The following SDK1 variants were observed in gnomAD, a reference collection of about 807,000 sequenced individuals.
The protein encoded by SDK1 is sidekick cell adhesion molecule 1.
A neutral mutation model predicts 245.5 loss-of-function variants in SDK1; 157 were observed. The observed-to-expected ratio is 0.64, with a 90% CI of 0.56 to 0.73. The LOEUF (loss-of-function observed/expected upper bound fraction) is 0.73. Ranked by LOEUF, SDK1 falls within the 30% of genes least tolerant of loss-of-function variation. The pLI is 0.00. For missense variants in SDK1, 3,583 were observed against 3,002.3 expected, an observed-to-expected ratio of 1.19 and a Z score of -4.52; for synonymous variants, 1,647 against 1,278.5, an observed-to-expected ratio of 1.29 and a Z score of -6.15.
chr7:3,865,319 G>C lies in SDK1; in HGVS notation c.847+43736G>C, dbSNP rs77694316. ...GGGTGAGTTGGTGGGAGAAAGGAGA[G>C]AATGCAGAAGGGCATTTCATCCCAC... On this transcript the variant is annotated intron_variant, in intron 5 of 44. Coordinates refer to ENST00000404826, the MANE Select transcript of SDK1 (RefSeq NM_152744.4). 2.7e-3 allele frequency among the ~76,000 whole-genome samples: 409 copies of C among 152,308 alleles called. 5 individuals are homozygous for C. In the East Asian group the frequency reaches 0.054, roughly 20 times the overall value.
At chr7:3,834,337 C>G (rs562486745) in intron 5 of SDK1, among the ~76,000 whole-genome samples, 1 of 152,318 alleles carries the variant, frequency 6.6e-6, no homozygotes, top group Admixed American at 6.5e-5. Flanking sequence ...TCCCTGAGCT[C>G]ACTTTTGCCA....
intron 28 of SDK1, among the ~76,000 whole-genome samples, chr7:4,143,066 T>A (rs1779687405): frequency 6.6e-6 from 1 of 152,054 alleles, no homozygotes; most frequent in Admixed American, 6.5e-5. Flanking sequence ...ACGCTGTAGG[T>A]AGTTAACTCA....
chr7:4,158,614 G>T (rs915894850), intron 31 of SDK1, 63 bp downstream of exon 31: 90 of 1,249,092 alleles, frequency 7.2e-5, no homozygotes, highest in Admixed American at 3.4e-5. Context: ...AGATACTTAG[G>T]CCACACTTTC....
At chr7:3,706,797 A>G in intron 4 of SDK1, among the ~76,000 whole-genome samples, 1 of 152,044 alleles carries the variant, frequency 6.6e-6, no homozygotes, top group Non-Finnish European at 1.5e-5. Context: ...GGAGGGTTAT[A>G]TGTTTCCAGG....
At chr7:4,076,585 T>G (rs775484247) in intron 20 of SDK1, among the ~76,000 whole-genome samples, 7 of 152,158 alleles carry the variant, frequency 4.6e-5, no homozygotes, top group Admixed American at 2.0e-4. Context: ...TATACATACA[T>G]AACATTTTTT....
chr7:3,984,205 G>A (rs1255026524), intron 13 of SDK1, among the ~76,000 whole-genome samples: 1 of 152,126 alleles, frequency 6.6e-6, no homozygotes, highest in African/African-American at 2.4e-5. Context: ...GCAGAGGGAT[G>A]GAGGGACATG....
rs1205435982 is a variant in SDK1, at chr7:3,904,980, G to A, written c.848-45943G>A. On this transcript the variant is annotated intron_variant, in intron 5 of 44. Coordinates refer to ENST00000404826, the MANE Select transcript of SDK1 (RefSeq NM_152744.4). The stretch of plus-strand genomic sequence containing the variant: ...TGCACTCCAGCCTGGGTGACAGAGC[G>A]AGACTCCGTCTCAAAAAAAAAAAAA... 1.7e-4 allele frequency among the ~76,000 whole-genome samples: 24 copies of A among 142,298 alleles called. No individual in the cohort carries two copies. In the East Asian group the frequency reaches 4.0e-3, roughly 23 times the overall value. The allele number at this position is 142,298 out of a possible 152,430, so 93.4% of individuals were successfully genotyped here.
intron 30 of SDK1, among the ~76,000 whole-genome samples, chr7:4,157,538 A>G (rs1780843031): frequency 1.4e-5 from 2 of 138,512 alleles, no homozygotes; most frequent in African/African-American, 5.3e-5. Context: ...GGAGGAAGGA[A>G]GGTGGGTGGG....
At chr7:4,154,638 G>GA (rs1780606341) in intron 30 of SDK1, among the ~76,000 whole-genome samples, 1 of 152,180 alleles carries the variant, frequency 6.6e-6, no homozygotes, top group Non-Finnish European at 1.5e-5. Context: ...CCGACTCCAT[G>GA]AGGATGCGTG....
At chr7:3,980,402 G>C (rs986285105) in intron 13 of SDK1, among the ~76,000 whole-genome samples, 1 of 152,136 alleles carries the variant, frequency 6.6e-6, no homozygotes, top group African/African-American at 2.4e-5. Context: ...ACTGGGCTTC[G>C]CTTCCATTGT....
In SDK1 at chr7:3,423,668, C is replaced by G. The variant is rs150007942; in HGVS notation, c.298+121784C>G. ...ACTGTGCTATGTAACTCAGTAGTCT[C>G]TAAACTGATTTTAGTTTTGCTTTTG... On this transcript the variant is annotated intron_variant, in intron 1 of 44. Coordinates refer to ENST00000404826, the MANE Select transcript of SDK1 (RefSeq NM_152744.4). 4.1e-3 allele frequency among the ~76,000 whole-genome samples: 619 copies of G among 151,444 alleles called. 8 individuals are homozygous for G. Among genetic ancestry groups the G allele is most frequent in the African/African-American group, 0.014 (579 of 41,248 alleles).
intron 1 of SDK1, among the ~76,000 whole-genome samples, chr7:3,376,703 C>A (rs1022308759): frequency 5.3e-5 from 8 of 152,098 alleles, no homozygotes; most frequent in African/African-American, 1.4e-4. Context: ...TAACATGTCT[C>A]AAAATGCAAA....
intron 4 of SDK1, among the ~76,000 whole-genome samples, chr7:3,741,704 T>A (rs1779479107): frequency 6.6e-6 from 1 of 152,170 alleles, no homozygotes; most frequent in South Asian, 2.1e-4. Context: ...CACTGACTCT[T>A]CAAAGAAAGA....
intron 4 of SDK1, among the ~76,000 whole-genome samples, chr7:3,809,222 G>T (rs1779325536): frequency 6.6e-6 from 1 of 151,970 alleles, no homozygotes; most frequent in Non-Finnish European, 1.5e-5. Flanking sequence ...GAAGGGGGAG[G>T]TGCCACACAC....
chr7:3,996,448 T>C (rs1784706317), intron 14 of SDK1, among the ~76,000 whole-genome samples: 1 of 152,214 alleles, frequency 6.6e-6, no homozygotes, highest in African/African-American at 2.4e-5. Context: ...AACCTATAAA[T>C]TGTTTTATGA....
intron 19 of SDK1, among the ~76,000 whole-genome samples, chr7:4,063,794 A>T (rs1012180316): frequency 6.6e-6 from 1 of 152,172 alleles, no homozygotes; most frequent in Non-Finnish European, 1.5e-5. Flanking sequence ...AATGGAACAG[A>T]ATAGAGCACC....
At chr7:3,984,088 G>T (rs1214122575) in intron 13 of SDK1, among the ~76,000 whole-genome samples, 1 of 152,124 alleles carries the variant, frequency 6.6e-6, no homozygotes, top group East Asian at 1.9e-4. Flanking sequence ...TTTTGCTGTT[G>T]GGTGTGCCTG....
intron 1 of SDK1, among the ~76,000 whole-genome samples, chr7:3,598,726 G>A (rs1781153869): frequency 6.6e-6 from 1 of 152,100 alleles, no homozygotes; most frequent in South Asian, 2.1e-4. Flanking sequence ...TGACCTTTTG[G>A]GATCACATTT....
At chr7:3,657,111 G>A (rs984045788) in intron 4 of SDK1, among the ~76,000 whole-genome samples, 9 of 152,226 alleles carry the variant, frequency 5.9e-5, no homozygotes, top group East Asian at 1.9e-4. Context: ...GAAAGCTGCC[G>A]TCTAGAAGGA....
Sources: allele counts gnomAD v4.1 joint callset (sites outside exome capture counted in the v4.1 genomes callset), GRCh38; gene constraint gnomAD v4.1.1; transcripts MANE v1.5; gene names NCBI Gene and HGNC (gene_info 2026-07-23, HGNC 2026-07-21).